NAALADL2: variants seen among roughly 807,000 people sequenced by gnomAD.
The protein encoded by NAALADL2 is N-acetylated alpha-linked acidic dipeptidase like 2, also known as inactive N-acetylated-alpha-linked acidic dipeptidase-like protein 2.
In NAALADL2, 76 loss-of-function variants were observed where a neutral mutation model predicts 87.2. That is an observed-to-expected ratio of 0.87 (90% confidence interval 0.72 to 1.05). NAALADL2 has a LOEUF of 1.05. Among genes scored for constraint, NAALADL2 ranks in the 50% least tolerant of loss-of-function variants. NAALADL2 has a pLI of 0.00. For missense variants in NAALADL2, 1,089 were observed against 945.8 expected, an observed-to-expected ratio of 1.15 and a Z score of -1.99; for synonymous variants, 354 against 331.0, an observed-to-expected ratio of 1.07 and a Z score of -0.75.
At chr3:175,305,802 G>T (rs181875147) in intron 4 of NAALADL2, among the ~76,000 whole-genome samples, 1 of 152,112 alleles carries the variant, frequency 6.6e-6, no homozygotes, top group Non-Finnish European at 1.5e-5. Context: ...GATTACAGGC[G>T]TGAGCCACCG....
rs184879772 is a variant in NAALADL2, at chr3:174,504,444, C to G, written c.-183-46125C>G. On this transcript the variant is annotated intron_variant, in intron 1 of 3. Transcript: ENST00000434257. ...ACATGGCTCTACATGCAATTAGATG[C>G]TATTGGTAGAATTGAGATAAGAGAA... Among the ~76,000 whole-genome samples the G allele has an allele frequency of 3.9e-3, 593 of 152,122 alleles. 7 individuals carry two copies. The highest frequency in any genetic ancestry group is 6.1e-3 in the Non-Finnish European group (415 of 67,936).
At chr3:174,794,031 A>G (rs71310597) in intron 3 of NAALADL2, among the ~76,000 whole-genome samples, 28,880 of 151,982 alleles carry the variant, frequency 0.19, 2,950 homozygotes, top group East Asian at 0.35. Flanking sequence ...CTTCCATTAC[A>G]AGTACAGTTG....
At chr3:175,548,350 T>C (rs1166945919) in intron 9 of NAALADL2, among the ~76,000 whole-genome samples, 1 of 152,100 alleles carries the variant, frequency 6.6e-6, no homozygotes, top group Non-Finnish European at 1.5e-5. Context: ...AGCTAAATTA[T>C]GAGAACACAT....
intron 3 of NAALADL2, among the ~76,000 whole-genome samples, chr3:174,818,242 C>A (rs1035480739): frequency 2.0e-5 from 3 of 152,132 alleles, no homozygotes; most frequent in Admixed American, 6.6e-5. Flanking sequence ...GCCATTTCCT[C>A]TGACTTTAAG....
chr3:174,951,696 A>G (rs1266406793), intron 1 of NAALADL2, among the ~76,000 whole-genome samples: 6 of 152,104 alleles, frequency 3.9e-5, no homozygotes, highest in Non-Finnish European at 7.4e-5. Context: ...TGTAATCAAT[A>G]TAACTTTGTG....
intron 2 of NAALADL2, among the ~76,000 whole-genome samples, chr3:175,154,858 T>C (rs1361530362): frequency 1.3e-5 from 2 of 152,172 alleles, no homozygotes; most frequent in Non-Finnish European, 2.9e-5. Context: ...TTGAAAGGAT[T>C]TGTAGCAAAT....
At chr3:175,370,095 A>G (rs3915774) in intron 5 of NAALADL2, among the ~76,000 whole-genome samples, 19,751 of 152,112 alleles carry the variant, frequency 0.13, 1,418 homozygotes, top group Non-Finnish European at 0.16. Context: ...CCTTACTACA[A>G]AGGATAAAAG....
intron 1 of NAALADL2, among the ~76,000 whole-genome samples, chr3:174,887,444 T>A (rs1410631416): frequency 6.6e-6 from 1 of 152,170 alleles, no homozygotes; most frequent in Non-Finnish European, 1.5e-5. Context: ...AATTTATCCT[T>A]GTTATTCATT....
intron 2 of NAALADL2, among the ~76,000 whole-genome samples, chr3:174,622,887 C>CA (rs979620842): frequency 9.9e-5 from 15 of 152,080 alleles, no homozygotes; most frequent in African/African-American, 3.1e-4. Flanking sequence ...AAAAAAAGTA[C>CA]AAAAAATTAG....
At chr3:175,271,928 T>C (rs1173029924) in intron 4 of NAALADL2, among the ~76,000 whole-genome samples, 1 of 152,228 alleles carries the variant, frequency 6.6e-6, no homozygotes. Flanking sequence ...TCCCTGTCTG[T>C]TTTTAGAAAT....
At chr3:174,872,383 A>G (rs1727938557) in intron 1 of NAALADL2, among the ~76,000 whole-genome samples, 1 of 152,184 alleles carries the variant, frequency 6.6e-6, no homozygotes, top group East Asian at 1.9e-4. Flanking sequence ...ACTAGGTGGC[A>G]GAGCCGGGAT....
chr3:174,572,570 T>C (rs2108538584), intron 2 of NAALADL2, among the ~76,000 whole-genome samples: 1 of 152,216 alleles, frequency 6.6e-6, no homozygotes. Context: ...TGAAATATTG[T>C]TATTCAAAAA....
chr3:175,328,006 A>G (rs1008178235), intron 5 of NAALADL2, among the ~76,000 whole-genome samples: 1 of 152,240 alleles, frequency 6.6e-6, no homozygotes, highest in South Asian at 2.1e-4. Context: ...ACACACCTGC[A>G]GTTTTGTGAG....
At chr3:175,776,733 CCTCT>C (rs1017869837) in intron 13 of NAALADL2, among the ~76,000 whole-genome samples, 1 of 151,796 alleles carries the variant, frequency 6.6e-6, no homozygotes, top group African/African-American at 2.4e-5. Flanking sequence ...GATTTTTTTC[CCTCT>C]ATCAAAAGGG....
At chr3:175,378,696 AAAGT>A (rs1767442546) in intron 5 of NAALADL2, among the ~76,000 whole-genome samples, 1 of 152,172 alleles carries the variant, frequency 6.6e-6, no homozygotes, top group Admixed American at 6.5e-5. Flanking sequence ...ACACAACTGG[AAAGT>A]GTTTCTGGGT....
At chr3:175,436,137 G>T (rs1203025860) in intron 5 of NAALADL2, among the ~76,000 whole-genome samples, 3 of 145,904 alleles carry the variant, frequency 2.1e-5, no homozygotes, top group Non-Finnish European at 3.0e-5. Flanking sequence ...TACTGAGAAT[G>T]ATGATTTCCA....
chr3:175,450,612 T>G (rs997953701), intron 6 of NAALADL2, among the ~76,000 whole-genome samples: 1 of 152,152 alleles, frequency 6.6e-6, no homozygotes, highest in Non-Finnish European at 1.5e-5. Context: ...AGAAATTGAG[T>G]CTTGGTCCTG....
chr3:174,887,514 G>T, intron 1 of NAALADL2, among the ~76,000 whole-genome samples: 1 of 152,108 alleles, frequency 6.6e-6, no homozygotes, highest in East Asian at 1.9e-4. Context: ...TTTTCTGACA[G>T]CCAGTCATGG....
intron 1 of NAALADL2, among the ~76,000 whole-genome samples, chr3:174,509,073 A>AT (rs1719408857): frequency 6.7e-6 from 1 of 148,978 alleles, no homozygotes; most frequent in African/African-American, 2.5e-5. Flanking sequence ...CTGAAAATAT[A>AT]TTTTTTTCCT....
Sources: allele counts gnomAD v4.1 joint callset (sites outside exome capture counted in the v4.1 genomes callset), GRCh38; gene constraint gnomAD v4.1.1; transcripts MANE v1.5; gene names NCBI Gene and HGNC (gene_info 2026-07-23, HGNC 2026-07-21).